Variants in RGS6 observed in about 807,000 individuals in gnomAD.
RGS6 encodes regulator of G-protein signaling 6.
In RGS6, 30 loss-of-function variants were observed where a neutral mutation model predicts 78.5. The observed-to-expected ratio is 0.38, with a 90% CI of 0.29 to 0.52. The LOEUF (loss-of-function observed/expected upper bound fraction) is 0.52, where lower values mean the gene tolerates loss of function less well. Among genes scored for constraint, RGS6 ranks in the 20% least tolerant of loss-of-function variants. RGS6 has a pLI of 0.85. For missense variants in RGS6, 495 were observed against 609.7 expected (o/e 0.81, Z 1.98); for synonymous variants, 206 against 206.0 (o/e 1.00, Z 0.00).
At chr14:72,609,484 G>C in the RGS6 span, among the ~76,000 whole-genome samples, 8 of 152,300 alleles carry the variant, frequency 5.3e-5, no homozygotes, top group South Asian at 1.7e-3. Flanking sequence ...CCTTAGGATG[G>C]CAGAAGATGT....
chr14:72,436,983 T>C (rs1216110797), intron 3 of RGS6, among the ~76,000 whole-genome samples: 2 of 152,030 alleles, frequency 1.3e-5, no homozygotes, highest in Non-Finnish European at 2.9e-5. Context: ...AGAAATGCCT[T>C]TGTGGTTTCA....
chr14:72,510,551 C>G (rs1376492149), intron 14 of RGS6, among the ~76,000 whole-genome samples: 1 of 152,174 alleles, frequency 6.6e-6, no homozygotes, highest in African/African-American at 2.4e-5. Flanking sequence ...AATAATTAGT[C>G]AAACGGATTT....
At chr14:72,473,142 C>T (rs562117433) in intron 9 of RGS6, among the ~76,000 whole-genome samples, 189 bp downstream of exon 9, 23 of 152,300 alleles carry the variant, frequency 1.5e-4, no homozygotes, top group Non-Finnish European at 2.6e-4. Flanking sequence ...TAAGTTCCAC[C>T]TTTTAAAAAT....
intron 2 of RGS6, among the ~76,000 whole-genome samples, chr14:72,031,729 G>A (rs2090927766): frequency 1.3e-5 from 2 of 152,176 alleles, no homozygotes; most frequent in Non-Finnish European, 2.9e-5. Context: ...ATTGACCAAA[G>A]CAAGTCATGT....
chr14:71,966,651 AATG>A (rs1168061934), intron 2 of RGS6, among the ~76,000 whole-genome samples: 7 of 152,184 alleles, frequency 4.6e-5, no homozygotes, highest in African/African-American at 7.2e-5. Flanking sequence ...AAGAAAAAAA[AATG>A]TGGGAGGAAG....
intron 2 of RGS6, among the ~76,000 whole-genome samples, chr14:71,995,222 C>A (rs1481956956): frequency 6.6e-6 from 1 of 151,986 alleles, no homozygotes; most frequent in African/African-American, 2.4e-5. Context: ...TTTCTCATCC[C>A]CAATTGAAAA....
intron 2 of RGS6, among the ~76,000 whole-genome samples, chr14:72,175,902 C>T (rs1567384635): frequency 6.6e-6 from 1 of 152,126 alleles, no homozygotes; most frequent in African/African-American, 2.4e-5. Flanking sequence ...CACTCTCAGC[C>T]CATGTGGCTT....
chr14:72,376,538 C>T (rs2084770171), intron 3 of RGS6, among the ~76,000 whole-genome samples: 1 of 152,136 alleles, frequency 6.6e-6, no homozygotes, highest in Admixed American at 6.5e-5. Flanking sequence ...CTCTGAGGCA[C>T]ATTTTAGTCA....
chr14:71,972,159 C>T (rs1394900771), intron 2 of RGS6, among the ~76,000 whole-genome samples: 2 of 151,992 alleles, frequency 1.3e-5, no homozygotes, highest in East Asian at 3.9e-4. Context: ...TCCCCCAGCC[C>T]AATTTTGGAC....
At chr14:72,037,472 A>C (rs547160965) in intron 2 of RGS6, among the ~76,000 whole-genome samples, 3 of 152,318 alleles carry the variant, frequency 2.0e-5, no homozygotes, top group African/African-American at 7.2e-5. Flanking sequence ...CTCCAGACAC[A>C]CCATCTTTAA....
the RGS6 span, among the ~76,000 whole-genome samples, chr14:71,916,305 G>A: frequency 6.6e-6 from 1 of 152,162 alleles, no homozygotes; most frequent in Non-Finnish European, 1.5e-5. Context: ...AGCTACTCGG[G>A]CCACGAAATC....
At chr14:72,128,839 C>A (rs1193550761) in intron 2 of RGS6, among the ~76,000 whole-genome samples, 2 of 152,174 alleles carry the variant, frequency 1.3e-5, no homozygotes, top group Non-Finnish European at 2.9e-5. Context: ...TCCGTATTAG[C>A]CCTGGTACGC....
chr14:72,170,259 A>C (rs1485844080), intron 2 of RGS6, among the ~76,000 whole-genome samples: 1 of 152,238 alleles, frequency 6.6e-6, no homozygotes, highest in Non-Finnish European at 1.5e-5. Context: ...CAAAATGTTT[A>C]ATACAGACTG....
chr14:72,403,326 C>T (rs1304622477), intron 3 of RGS6, among the ~76,000 whole-genome samples: 5 of 152,308 alleles, frequency 3.3e-5, no homozygotes, highest in Non-Finnish European at 5.9e-5. Context: ...GAGGACATTA[C>T]GTTAAGTGAA....
Position 72,327,691 on chromosome 14 carries a change from A to G in RGS6, c.85-24404A>G, listed in dbSNP as rs541142378. Among the ~76,000 whole-genome samples, 109 of 152,300 alleles carry G rather than the reference A, an allele frequency of 7.2e-4. 4 individuals carry two copies. The South Asian group carries it at 0.022, about 31-fold the overall frequency. The stretch of plus-strand genomic sequence containing the variant: ...GAAGGACTAAAGCTGCTAGAGCATA[A>G]TTATGTATTGGCTGTGGACTTGAGA... On this transcript the variant is annotated intron_variant, in intron 2 of 17. Coordinates refer to ENST00000553525, the MANE Select transcript of RGS6 (RefSeq NM_001204424.2).
intron 17 of RGS6, chr14:72,550,414 G>T (rs777203959): frequency 3.1e-5 from 46 of 1,495,500 alleles, no homozygotes; most frequent in Admixed American, 2.2e-4. Flanking sequence ...TTTTTTGTTT[G>T]CACTAAGCAC....
chr14:72,078,285 G>A (rs2094667267), intron 2 of RGS6, among the ~76,000 whole-genome samples: 1 of 152,104 alleles, frequency 6.6e-6, no homozygotes, highest in Admixed American at 6.6e-5. Flanking sequence ...ATAATTCTAA[G>A]TTTCCTGAGG....
chr14:72,501,454 A>G (rs1351813978), intron 13 of RGS6, among the ~76,000 whole-genome samples: 3 of 152,214 alleles, frequency 2.0e-5, no homozygotes, highest in Non-Finnish European at 4.4e-5. Context: ...TTTATGCAAC[A>G]TAGTGAGCTG....
At chr14:72,190,331 G>T (rs2097306648) in intron 2 of RGS6, among the ~76,000 whole-genome samples, 1 of 152,214 alleles carries the variant, frequency 6.6e-6, no homozygotes, top group Non-Finnish European at 1.5e-5. Context: ...TGAAGGAAAA[G>T]GACTGTTTTT....
Sources: allele counts gnomAD v4.1 joint callset (sites outside exome capture counted in the v4.1 genomes callset), GRCh38; gene constraint gnomAD v4.1.1; transcripts MANE v1.5; gene names NCBI Gene and HGNC (gene_info 2026-07-23, HGNC 2026-07-21).